RBFOX1: variants seen among roughly 807,000 people sequenced by gnomAD.
RBFOX1 encodes the protein RNA binding protein fox-1 homolog 1.
In RBFOX1, 8 loss-of-function variants were observed where a neutral mutation model predicts 57.7. That is an observed-to-expected ratio of 0.14 (90% CI 0.08 to 0.25). The LOEUF is 0.25. RBFOX1 is among the 10% of genes least tolerant of loss of function. RBFOX1 has a pLI of 1.00. For missense variants in RBFOX1, 611 were observed against 548.5 expected (o/e 1.11, Z -1.14); for synonymous variants, 326 against 222.4 (o/e 1.47, Z -4.15).
intron 3 of RBFOX1, among the ~76,000 whole-genome samples, chr16:5,796,122 G>T (rs561737916): frequency 6.6e-6 from 1 of 152,262 alleles, no homozygotes; most frequent in South Asian, 2.1e-4. Context: ...GAATTTTGGT[G>T]AGCTGTTTTG....
chr16:6,703,436 G>A (rs2062172870), intron 3 of RBFOX1, among the ~76,000 whole-genome samples: 1 of 151,998 alleles, frequency 6.6e-6, no homozygotes, highest in Non-Finnish European at 1.5e-5. Flanking sequence ...TATTAGCCAG[G>A]TATCGTGGTA....
intron 3 of RBFOX1, among the ~76,000 whole-genome samples, chr16:5,618,947 G>C (rs555252794): frequency 6.6e-6 from 1 of 152,314 alleles, no homozygotes; most frequent in Admixed American, 6.5e-5. Context: ...ACTTTGGGTA[G>C]CTGATGGGTG....
intron 3 of RBFOX1, among the ~76,000 whole-genome samples, chr16:6,944,517 G>A (rs537190252): frequency 6.6e-6 from 1 of 152,104 alleles, no homozygotes; most frequent in African/African-American, 2.4e-5. Context: ...CAGAGTGATA[G>A]TAACCAGAAG....
chr16:5,860,646 C>T (rs191718878), intron 3 of RBFOX1, among the ~76,000 whole-genome samples: 12 of 152,236 alleles, frequency 7.9e-5, no homozygotes, highest in African/African-American at 2.6e-4. Flanking sequence ...GTCCAGATAC[C>T]TCCCCAGGGC....
intron 1 of RBFOX1, among the ~76,000 whole-genome samples, chr16:6,047,417 C>T (rs1471093853): frequency 5.9e-5 from 9 of 152,200 alleles, no homozygotes; most frequent in Admixed American, 5.2e-4. Flanking sequence ...TGAGATTTCT[C>T]TGAAAAGCTC....
chr16:6,129,277 G>A (rs1030048173), intron 1 of RBFOX1, among the ~76,000 whole-genome samples: 1 of 152,074 alleles, frequency 6.6e-6, no homozygotes, highest in Non-Finnish European at 1.5e-5. Context: ...AGAGAAGATT[G>A]TGTTACTTAA....
intron 1 of RBFOX1, among the ~76,000 whole-genome samples, chr16:6,259,769 C>G (rs933456080): frequency 6.6e-6 from 1 of 151,900 alleles, no homozygotes; most frequent in African/African-American, 2.4e-5. Context: ...ACCAGCCTGG[C>G]AAACATGCTG....
chr16:5,596,100 G>C (rs1309525939), intron 2 of RBFOX1, among the ~76,000 whole-genome samples: 1 of 152,136 alleles, frequency 6.6e-6, no homozygotes, highest in Non-Finnish European at 1.5e-5. Context: ...GATGTGGAGA[G>C]GGAAAGCCCC....
At chr16:6,498,175 C>G (rs1027092982) in intron 2 of RBFOX1, among the ~76,000 whole-genome samples, 2 of 150,696 alleles carry the variant, frequency 1.3e-5, no homozygotes, top group African/African-American at 2.4e-5. Flanking sequence ...TCACTACTAC[C>G]TGGGAGGTGG....
intron 4 of RBFOX1, among the ~76,000 whole-genome samples, chr16:5,906,259 A>C (rs2058453295): frequency 6.6e-6 from 1 of 152,188 alleles, no homozygotes; most frequent in African/African-American, 2.4e-5. Flanking sequence ...ATCCGGGAGT[A>C]GGGTGGGCCC....
At chr16:7,403,628 C>A (rs1035621100) in intron 4 of RBFOX1, among the ~76,000 whole-genome samples, 1 of 146,574 alleles carries the variant, frequency 6.8e-6, no homozygotes, top group Non-Finnish European at 1.5e-5. Flanking sequence ...GTCAGGGCAA[C>A]CTCCGCCTCC....
chr16:6,594,750 C>G (rs2097760209), intron 2 of RBFOX1, among the ~76,000 whole-genome samples: 1 of 151,888 alleles, frequency 6.6e-6, no homozygotes, highest in African/African-American at 2.4e-5. Context: ...TATGCGTATG[C>G]CACAAAATTC....
chr16:5,789,247 A>G (rs928779632), intron 3 of RBFOX1, among the ~76,000 whole-genome samples: 1 of 152,192 alleles, frequency 6.6e-6, no homozygotes, highest in Admixed American at 6.5e-5. Context: ...AGCCCAAAGT[A>G]TGAATTAATT....
chr16:7,542,789 C>A (rs868090535), intron 5 of RBFOX1, among the ~76,000 whole-genome samples: 1 of 140,884 alleles, frequency 7.1e-6, no homozygotes, highest in Non-Finnish European at 1.5e-5. Flanking sequence ...ATCAATTGAA[C>A]CTGGGAGGCA....
At chr16:6,352,027 T>G (rs1031385525) in intron 2 of RBFOX1, among the ~76,000 whole-genome samples, 1 of 152,170 alleles carries the variant, frequency 6.6e-6, no homozygotes, top group Non-Finnish European at 1.5e-5. Context: ...TTTTCAGTGC[T>G]TTTTTCTGTC....
intron 1 of RBFOX1, among the ~76,000 whole-genome samples, chr16:6,157,171 T>C (rs1248751851): frequency 6.6e-6 from 1 of 152,032 alleles, no homozygotes; most frequent in African/African-American, 2.4e-5. Flanking sequence ...TTATAAAAAT[T>C]TATTTTTATG....
chr16:5,970,817 A>G (rs1184538078), intron 4 of RBFOX1, among the ~76,000 whole-genome samples: 1 of 152,206 alleles, frequency 6.6e-6, no homozygotes, highest in Non-Finnish European at 1.5e-5. Context: ...ATATGCCTTG[A>G]GTCAGTATGC....
At chr16:5,707,950 T>A (rs1455685459) in intron 3 of RBFOX1, among the ~76,000 whole-genome samples, 1 of 152,222 alleles carries the variant, frequency 6.6e-6, no homozygotes, top group Non-Finnish European at 1.5e-5. Flanking sequence ...AGTTTTCTAT[T>A]CACTAGGTAG....
rs541012757 is a variant in RBFOX1, at chr16:6,435,354, G to C, written c.-64+118297G>C. ...CTCATTCTGTCGCCCAGGCTGGAGG[G>C]CAGTAGTGTGATCTCGGCTCACTGC... On this transcript the variant is annotated intron_variant, in intron 2 of 15. Coordinates refer to ENST00000550418, the MANE Select transcript of RBFOX1 (RefSeq NM_018723.4). Among the ~76,000 whole-genome samples the C allele has an allele frequency of 3.3e-5, 5 of 152,210 alleles. No homozygotes were observed. The South Asian group carries it at 8.3e-4, about 25-fold the overall frequency.
Sources: allele counts gnomAD v4.1 joint callset (sites outside exome capture counted in the v4.1 genomes callset), GRCh38; gene constraint gnomAD v4.1.1; transcripts MANE v1.5; gene names NCBI Gene and HGNC (gene_info 2026-07-23, HGNC 2026-07-21).